The following CHD2 variants were observed in gnomAD, a reference collection of about 807,000 sequenced individuals.
CHD2 encodes ATP-dependent chromatin remodeler CHD2.
CHD2 carries 28 observed loss-of-function variants against 243.9 expected under a neutral mutation model. The observed-to-expected ratio is 0.11, with a 90% CI of 0.09 to 0.16. CHD2 has a LOEUF of 0.16. CHD2 is among the 10% of genes least tolerant of loss of function. The pLI is 1.00. For missense variants in CHD2, 1,386 were observed against 2,209.8 expected (o/e 0.63, Z 7.47); for synonymous variants, 775 against 779.0 (o/e 0.99, Z 0.09).
chr15:92,931,663 A>G (rs767995626), intron 5 of CHD2, among the ~76,000 whole-genome samples: 2 of 152,228 alleles, frequency 1.3e-5, no homozygotes, highest in Non-Finnish European at 2.9e-5. Context: ...TACGTGAGCC[A>G]CTGCACCCAG....
At position 93,009,272 on chromosome 15, in the gene CHD2, C is replaced by T. The variant is rs779865037; in HGVS notation, c.4541C>T (p.Ala1514Val). 17 of 1,614,174 alleles carry T rather than the reference C, an allele frequency of 1.1e-5. No individual in the cohort carries two copies. Among genetic ancestry groups the T allele is most frequent in the Non-Finnish European group, 1.1e-5 (13 of 1,180,020 alleles). Residue 1514 changes from alanine to valine, a missense_variant, in exon 35 of 39, where the codon GCC becomes GTC. Transcript: ENST00000394196. ...NCLLKIGDRI[A>V]ECLKAYSDQE... ...CTGCTGAAAATCGGAGACCGGATAGCCGAGTGCCTTAAAGCCTACTCAGAT... is the reference window on the plus strand; with the variant it reads ...CTGCTGAAAATCGGAGACCGGATAGTCGAGTGCCTTAAAGCCTACTCAGAT...
intron 6 of CHD2, among the ~76,000 whole-genome samples, 173 bp downstream of exon 6, chr15:92,937,798 CT>C (rs751392607): frequency 2.0e-5 from 3 of 152,230 alleles, no homozygotes; most frequent in Non-Finnish European, 4.4e-5. Context: ...CTTACTGCTT[CT>C]TTCTTCGCAG....
intron 33 of CHD2, 49 bp downstream of exon 33, chr15:93,002,366 G>A (rs754508264): frequency 1.5e-5 from 24 of 1,563,662 alleles, no homozygotes; most frequent in Non-Finnish European, 1.7e-5. Flanking sequence ...TTTGCAATTC[G>A]CCATTTGGAT....
intron 38 of CHD2, chr15:93,020,583 G>A (rs2054522602): frequency 3.8e-6 from 2 of 523,486 alleles, no homozygotes; most frequent in Admixed American, 3.4e-5. Context: ...TAGGTATCAG[G>A]GATCCCGAGA....
chr15:92,919,930 C>T (rs1443195513), intron 2 of CHD2, among the ~76,000 whole-genome samples: 1 of 152,154 alleles, frequency 6.6e-6, no homozygotes, highest in South Asian at 2.1e-4. Context: ...GAGCATCTGC[C>T]TCCCTCAACC....
chr15:92,997,379 C>T lies in CHD2; in HGVS notation c.3861C>T (p.Asp1287=). The change falls in exon 30 of 39, where the codon GAC becomes GAT. Residue 1287 remains aspartate (D), a synonymous_variant. Transcript: ENST00000394196. This position sits in a 1 kb window ranked among gnomAD's most constrained non-coding sequence, Gnocchi z 4.1. The part of the protein sequence containing the change: ...GYGNWELIKT[D]PELKLTDKIL... ...GAAACTGGGAGTTAATTAAAACAGA[C>T]CCAGAGCTTAAATTAACTGACAAAG... The T allele has an allele frequency of 1.0e-5, 16 of 1,595,958 alleles. 1 individual carries two copies. Among genetic ancestry groups the T allele is most frequent in the Non-Finnish European group, 1.4e-5 (16 of 1,173,652 alleles).
intron 37 of CHD2, among the ~76,000 whole-genome samples, chr15:93,019,370 C>G (rs1053397321): frequency 6.6e-6 from 1 of 152,110 alleles, no homozygotes; most frequent in Non-Finnish European, 1.5e-5. Flanking sequence ...GAAGGTTAAA[C>G]AGGTATGGAG....
chr15:92,918,842 CAT>C (rs557413107), intron 2 of CHD2, among the ~76,000 whole-genome samples: 4 of 151,170 alleles, frequency 2.6e-5, no homozygotes, highest in African/African-American at 9.8e-5. Flanking sequence ...TACATACACA[CAT>C]ATATATACAT....
intron 2 of CHD2, among the ~76,000 whole-genome samples, chr15:92,912,301 TAGGC>T (rs2052750958): frequency 6.6e-6 from 1 of 152,162 alleles, no homozygotes; most frequent in Non-Finnish European, 1.5e-5. Flanking sequence ...GTGGCATAGC[TAGGC>T]TTGAGAACTG....
At chr15:92,933,419 C>T (rs2053210395) in intron 5 of CHD2, among the ~76,000 whole-genome samples, 2 of 152,128 alleles carry the variant, frequency 1.3e-5, no homozygotes, top group African/African-American at 2.4e-5. Flanking sequence ...TCATCTGGCC[C>T]CTGTGAGTAT....
Position 92,946,130 on chromosome 15 carries a change from G to A in CHD2, c.1291G>A (p.Ala431Thr), listed in dbSNP as rs776741022. 2 of 1,613,338 alleles carry A rather than the reference G, an allele frequency of 1.2e-6. No homozygotes were observed. The highest frequency in any genetic ancestry group is 2.2e-5 in the South Asian group (2 of 91,000). Residue 431 changes from alanine (A) to threonine (T), a missense_variant, in exon 12 of 39, where the codon GCC (alanine) becomes ACC (threonine). Transcript: ENST00000394196. ...PYSECSWEDE[A>T]LIGKKFQNCI... ...TTCAGAGTGTAGCTGGGAAGATGAA[G>A]CCCTCATTGGAAAGAAATTCCAGAA...
Position 93,002,118 on chromosome 15 carries a change from A to G in CHD2, c.4138-59A>G, listed in dbSNP as rs189655035. ...GGGGGCAGTGCTTCTTTTTCCAGAA[A>G]GTACATAAGTAGATATAAAATTTGT... On this transcript the variant is annotated intron_variant, in intron 32 of 38. Transcript: ENST00000394196. 9.1e-6 allele frequency: 14 copies of G among 1,542,004 alleles called. No individual in the cohort carries two copies. The Admixed American group carries it at 1.8e-4, about 20-fold the overall frequency.
chr15:92,900,854 A>G (rs2052519045), intron 1 of CHD2, 30 bp downstream of exon 1: 1 of 404,888 alleles, frequency 2.5e-6, no homozygotes, highest in Non-Finnish European at 4.3e-6. Context: ...TGATAATTTT[A>G]AAGATTTATT....
chr15:92,930,463 C>T (rs2053145809), intron 5 of CHD2, among the ~76,000 whole-genome samples: 1 of 152,084 alleles, frequency 6.6e-6, no homozygotes, highest in Admixed American at 6.6e-5. Context: ...GACAGGGTCT[C>T]ACTCTGTTGC....
rs777184155 is a variant in CHD2, at chr15:92,971,815, G to T, written c.2240G>T (p.Ser747Ile). 2 of 1,613,882 alleles carry T rather than the reference G, an allele frequency of 1.2e-6. No homozygotes were observed. The highest frequency in any genetic ancestry group is 3.3e-5 in the Admixed American group (2 of 59,994). Reference sequence around the variant, plus strand: ...GCTCTTGCCAAAGGAACAAGAGGCAGCACATCTGGTTTTCTTAATATTGTG... The same window carrying T: ...GCTCTTGCCAAAGGAACAAGAGGCATCACATCTGGTTTTCTTAATATTGTG... Reference protein sequence around the residue: ...YKALAKGTRGSTSGFLNIVME... With the variant: ...YKALAKGTRGITSGFLNIVME... The change falls in exon 18 of 39, where the codon AGC (serine) becomes ATC (isoleucine). Residue 747 changes from serine to isoleucine, a missense_variant. Ser to Ile is a moderately radical substitution (Grantham distance 142). Transcript: ENST00000394196.
chr15:92,936,211 C>G (rs6497009), intron 5 of CHD2, among the ~76,000 whole-genome samples: 71,839 of 152,078 alleles, frequency 0.47, 17,988 homozygotes, highest in East Asian at 0.85. Flanking sequence ...TCAATCTGCA[C>G]ATCAGCCACC....
At chr15:92,905,432 A>G (rs1459511314) in intron 2 of CHD2, among the ~76,000 whole-genome samples, 6 of 152,214 alleles carry the variant, frequency 3.9e-5, no homozygotes, top group Admixed American at 1.3e-4. Flanking sequence ...GGATTTATCT[A>G]CTGTGGACAA....
At chr15:92,907,892 C>A (rs2052651166) in intron 2 of CHD2, among the ~76,000 whole-genome samples, 1 of 151,956 alleles carries the variant, frequency 6.6e-6, no homozygotes, top group Admixed American at 6.6e-5. Context: ...TCTTGGCCTA[C>A]CAGGAGAGTT....
At chr15:93,020,518 A>AT (rs1209191251) in intron 38 of CHD2, 1 of 599,000 alleles carries the variant, frequency 1.7e-6, no homozygotes, top group Non-Finnish European at 2.9e-6. Context: ...TCGCCATAAA[A>AT]TATTAGAGTC....
Sources: allele counts gnomAD v4.1 joint callset (sites outside exome capture counted in the v4.1 genomes callset), GRCh38; gene constraint gnomAD v4.1.1; non-coding constraint Gnocchi (gnomAD v3.1); transcripts MANE v1.5; gene names NCBI Gene and HGNC (gene_info 2026-07-23, HGNC 2026-07-21).